NRXN1: variants seen among roughly 807,000 people sequenced by gnomAD.
NRXN1 encodes neurexin 1, also known as neurexin-1.
NRXN1 carries 39 observed loss-of-function variants against 150.9 expected under a neutral mutation model. That is an observed-to-expected ratio of 0.26 (90% CI 0.20 to 0.34). The LOEUF is 0.34. Ranked by LOEUF, NRXN1 falls within the 10% of genes least tolerant of loss-of-function variation. The pLI, the probability that NRXN1 is intolerant of heterozygous loss-of-function variation, is 1.00. For synonymous variants in NRXN1, 924 were observed against 757.0 expected, an observed-to-expected ratio of 1.22 and a Z score of -3.62; for missense variants, 1,815 against 1,949.9, an observed-to-expected ratio of 0.93 and a Z score of 1.30.
intron 18 of NRXN1, among the ~76,000 whole-genome samples, chr2:50,234,904 G>C (rs1390572835): frequency 2.0e-5 from 3 of 151,998 alleles, no homozygotes; most frequent in Non-Finnish European, 4.4e-5. Flanking sequence ...TGGACGCCGA[G>C]AAAGTCAATT....
chr2:50,113,246 T>C (rs1421305081), intron 18 of NRXN1, among the ~76,000 whole-genome samples: 1 of 152,228 alleles, frequency 6.6e-6, no homozygotes, highest in Admixed American at 6.5e-5. Flanking sequence ...CATTAATTTC[T>C]TCCTCTCCTG....
At chr2:50,918,493 G>A (rs1454465765) in intron 5 of NRXN1, 5 of 352,492 alleles carry the variant, frequency 1.4e-5, no homozygotes, top group Non-Finnish European at 2.6e-5. Context: ...AAAAGTACAA[G>A]CCTCCAATCA....
intron 9 of NRXN1, among the ~76,000 whole-genome samples, chr2:50,542,983 A>C (rs2093422012): frequency 6.6e-6 from 1 of 152,196 alleles, no homozygotes; most frequent in Admixed American, 6.5e-5. Context: ...TACAAAGAAC[A>C]CATCAAATTA....
chr2:50,536,743 T>C (rs2093271009), intron 10 of NRXN1, among the ~76,000 whole-genome samples: 1 of 152,194 alleles, frequency 6.6e-6, no homozygotes, highest in African/African-American at 2.4e-5. Context: ...GTTACATTGT[T>C]CATCCTTTTG....
chr2:50,211,582 T>C (rs73930316), intron 18 of NRXN1, among the ~76,000 whole-genome samples: 224 of 151,666 alleles, frequency 1.5e-3, no homozygotes, highest in African/African-American at 5.3e-3. Flanking sequence ...AATCAAATAT[T>C]TTCATATATA....
intron 2 of NRXN1, among the ~76,000 whole-genome samples, chr2:51,015,104 T>G (rs1412256700): frequency 1.3e-5 from 2 of 152,084 alleles, no homozygotes; most frequent in African/African-American, 2.4e-5. Context: ...GATGTGTGAT[T>G]TTTTAAATTT....
At chr2:50,687,037 A>G (rs1457976540) in intron 5 of NRXN1, among the ~76,000 whole-genome samples, 1 of 152,218 alleles carries the variant, frequency 6.6e-6, no homozygotes, top group Non-Finnish European at 1.5e-5. Context: ...CAAAGTGCTT[A>G]GCGTCAAATT....
intron 1 of NRXN1, among the ~76,000 whole-genome samples, chr2:51,030,782 A>G (rs1671411323): frequency 6.6e-6 from 1 of 152,168 alleles, no homozygotes; most frequent in Admixed American, 6.5e-5. Flanking sequence ...TGGACTCAGG[A>G]ATCTGCTAAA....
At chr2:50,067,184 A>G (rs1695493537) in intron 19 of NRXN1, among the ~76,000 whole-genome samples, 2 of 152,218 alleles carry the variant, frequency 1.3e-5, no homozygotes, top group Non-Finnish European at 2.9e-5. Flanking sequence ...GCAGAGTTCA[A>G]TGGTGCTTTG....
chr2:50,419,414 A>G (rs2083795287), intron 17 of NRXN1, among the ~76,000 whole-genome samples: 1 of 152,000 alleles, frequency 6.6e-6, no homozygotes, highest in Non-Finnish European at 1.5e-5. Flanking sequence ...CTGCAATCTC[A>G]TTAGATTCAT....
At chr2:50,602,974 T>A (rs181848281) in intron 8 of NRXN1, among the ~76,000 whole-genome samples, 143 of 152,192 alleles carry the variant, frequency 9.4e-4, no homozygotes, top group Admixed American at 1.8e-3. Flanking sequence ...TTGCCAAGAG[T>A]TTGCAGTCAA....
intron 17 of NRXN1, among the ~76,000 whole-genome samples, chr2:50,321,339 G>A (rs1211270008): frequency 6.6e-6 from 1 of 152,142 alleles, no homozygotes; most frequent in Non-Finnish European, 1.5e-5. Flanking sequence ...AACTAACAGG[G>A]ATTATGTTGT....
chr2:50,502,297 T>C (rs2091988195), intron 13 of NRXN1, among the ~76,000 whole-genome samples: 1 of 152,074 alleles, frequency 6.6e-6, no homozygotes, highest in African/African-American at 2.4e-5. Flanking sequence ...TAACTCAGCA[T>C]TTGATGTTAA....
At chr2:49,975,688 ATAT>A (rs1471297261) in intron 21 of NRXN1, among the ~76,000 whole-genome samples, 5 of 152,312 alleles carry the variant, frequency 3.3e-5, no homozygotes, top group African/African-American at 1.2e-4. Flanking sequence ...TTCTTAAAAA[ATAT>A]TATGACTCAG....
intron 12 of NRXN1, among the ~76,000 whole-genome samples, chr2:50,510,363 G>A (rs1469094970): frequency 5.3e-5 from 8 of 151,584 alleles, no homozygotes; most frequent in East Asian, 2.0e-4. Flanking sequence ...GCAGGAACCC[G>A]TAATCCCAGC....
intron 5 of NRXN1, among the ~76,000 whole-genome samples, chr2:50,721,624 C>T (rs150706548): frequency 2.6e-4 from 39 of 152,148 alleles, no homozygotes; most frequent in African/African-American, 9.2e-4. Context: ...GGAATGAGTC[C>T]TAAGTGTCAA....
intron 17 of NRXN1, among the ~76,000 whole-genome samples, chr2:50,350,404 G>A (rs182826714): frequency 1.1e-4 from 17 of 152,226 alleles, no homozygotes; most frequent in African/African-American, 3.9e-4. Flanking sequence ...GTGCTAAAAA[G>A]ACCTAAAATA....
intron 2 of NRXN1, among the ~76,000 whole-genome samples, chr2:51,007,284 T>C (rs1667169602): frequency 6.6e-6 from 1 of 151,914 alleles, no homozygotes; most frequent in Non-Finnish European, 1.5e-5. Context: ...TCAAAAAAAA[T>C]TATTGTCCAA....
intron 5 of NRXN1, among the ~76,000 whole-genome samples, chr2:50,836,011 A>G (rs1450557389): frequency 2.0e-5 from 3 of 152,228 alleles, no homozygotes; most frequent in Non-Finnish European, 2.9e-5. Context: ...TGGTGCTTGC[A>G]AAGTTTCACA....
Sources: allele counts gnomAD v4.1 joint callset (sites outside exome capture counted in the v4.1 genomes callset), GRCh38; gene constraint gnomAD v4.1.1; transcripts MANE v1.5; gene names NCBI Gene and HGNC (gene_info 2026-07-23, HGNC 2026-07-21).